Variants in PRMT8 observed in about 807,000 individuals in gnomAD.
PRMT8 encodes protein arginine methyltransferase 8.
PRMT8 carries 7 observed loss-of-function variants against 47.1 expected under a neutral mutation model. The observed-to-expected ratio is 0.15, with a 90% confidence interval of 0.08 to 0.28. The LOEUF (loss-of-function observed/expected upper bound fraction) is 0.28. PRMT8 is among the 10% of genes least tolerant of loss of function. The pLI is 1.00. For synonymous variants in PRMT8, 188 were observed against 186.5 expected (o/e 1.01, Z -0.07); for missense variants, 237 against 505.4 (o/e 0.47, Z 5.09).
intron 1 of PRMT8, among the ~76,000 whole-genome samples, chr12:3,496,578 C>G (rs1865513873): frequency 6.6e-6 from 1 of 151,942 alleles, no homozygotes; most frequent in African/African-American, 2.4e-5. Context: ...GGTTTTCAAT[C>G]CAGTTCTGGA....
chr12:3,428,800 C>T (rs550029216), intron 1 of PRMT8, among the ~76,000 whole-genome samples: 6 of 151,466 alleles, frequency 4.0e-5, no homozygotes, highest in Admixed American at 1.3e-4. Context: ...TTGACTCTGT[C>T]TTTGTCTCTC....
At chr12:3,571,635 C>G (rs975055680) in intron 6 of PRMT8, among the ~76,000 whole-genome samples, 3 of 151,992 alleles carry the variant, frequency 2.0e-5, no homozygotes, top group Non-Finnish European at 2.9e-5. Flanking sequence ...AAAAAAAAAT[C>G]TGAAAGTTAG....
At chr12:3,567,429 T>G (rs1203603212) in intron 4 of PRMT8, among the ~76,000 whole-genome samples, 1 of 152,170 alleles carries the variant, frequency 6.6e-6, no homozygotes, top group African/African-American at 2.4e-5. Flanking sequence ...AGGGCACCCA[T>G]TTGGTATTGA....
At chr12:3,394,805 C>T (rs1408354706) in intron 1 of PRMT8, among the ~76,000 whole-genome samples, 1 of 151,622 alleles carries the variant, frequency 6.6e-6, no homozygotes, top group Non-Finnish European at 1.5e-5. Context: ...CCTCCTTGTA[C>T]CTCTGGTAGA....
At chr12:3,432,525 C>T (rs1381541072) in intron 1 of PRMT8, among the ~76,000 whole-genome samples, 1 of 152,158 alleles carries the variant, frequency 6.6e-6, no homozygotes, top group African/African-American at 2.4e-5. Flanking sequence ...TGGGCAGTAC[C>T]TGAGACTCCC....
At chr12:3,473,011 G>T (rs1865175464) in intron 1 of PRMT8, among the ~76,000 whole-genome samples, 1 of 152,052 alleles carries the variant, frequency 6.6e-6, no homozygotes, top group South Asian at 2.1e-4. Flanking sequence ...CCCACCTCCA[G>T]CTCTTCCCCA....
At chr12:3,577,666 C>CT (rs894882910) in intron 7 of PRMT8, among the ~76,000 whole-genome samples, 2 of 129,412 alleles carry the variant, frequency 1.5e-5, no homozygotes, top group South Asian at 2.3e-4. Flanking sequence ...CATTAAGAGA[C>CT]TTTTTTGTGG....
chr12:3,540,633 C>CCCCCCCCCCCCGCCCCGCCCA lies in PRMT8; in HGVS notation c.103_104insCCCCCCCCCCCGCCCCGCCCA (p.Gln35delinsProProProProAlaProProLys). On this transcript the variant is annotated protein_altering_variant, in exon 2 of 10. Transcript: ENST00000382622. ...GAACAGCCCCCCCTCCCAGCCCCCC[C>CCCCCCCCCCCCGCCCCGCCCA]AGCCCGTCGTCCCTGCTAAGCCCGT... 1 of 1,553,210 alleles carries CCCCCCCCCCCCGCCCCGCCCA rather than the reference C, an allele frequency of 6.4e-7. No individual in the cohort carries two copies. The highest frequency in any genetic ancestry group is 8.9e-7 in the Non-Finnish European group (1 of 1,127,240).
At chr12:3,488,244 G>T (rs76747935), upstream of PRMT8, among the ~76,000 whole-genome samples, 200 of 152,298 alleles carry the variant, frequency 1.3e-3, 2 homozygotes, top group African/African-American at 4.6e-3. Flanking sequence ...GACTTAGCAA[G>T]TGTTCTATAA....
intron 1 of PRMT8, among the ~76,000 whole-genome samples, chr12:3,520,242 A>G (rs2137140220): frequency 6.6e-6 from 1 of 152,334 alleles, no homozygotes; most frequent in East Asian, 1.9e-4. Flanking sequence ...TGTCGGGAAA[A>G]CCAACGGTGC....
Position 3,413,286 on chromosome 12 carries a change from C to T in PRMT8, c.48+31844C>T, listed in dbSNP as rs1236800329. On this transcript the variant is annotated intron_variant, in intron 1 of 9. Coordinates refer to the PRMT8 transcript ENST00000452611. ...TCCCGTGAACAAGCTCTCTTGCCTG[C>T]TGCCATATAGGATGTGTCTTGCCTC... 2.0e-5 allele frequency among the ~76,000 whole-genome samples: 3 copies of T among 152,206 alleles called. No individual in the cohort carries two copies. In the East Asian group the frequency reaches 5.8e-4, roughly 29 times the overall value.
rs149408228 is a variant in PRMT8 at position 3,468,902 on chromosome 12, A to T, written c.49-71704A>T. On this transcript the variant is annotated intron_variant, in intron 1 of 9. Coordinates refer to the PRMT8 transcript ENST00000452611. ...GCGTGCCTTGTTATCCTGCTCATAG[A>T]ACATTAGAAATAAAGGAAGGCTCCT... 1.5e-3 allele frequency: 286 copies of T among 194,176 alleles called. 1 individual carries two copies. The highest frequency in any genetic ancestry group is 6.3e-3 in the African/African-American group (265 of 42,188). The allele number at this position is 194,176 out of a possible 1,614,324, so 12.0% of individuals were successfully genotyped here.
rs531683101 is a variant in PRMT8 at position 3,491,832 on chromosome 12, CTGTG to C, written c.75+186_75+189del. 5.0e-3 allele frequency: 2,695 copies of C among 536,082 alleles called. 150 individuals carry two copies. Among genetic ancestry groups the C allele is most frequent in the African/African-American group, 0.021 (401 of 19,224 alleles). 33.2% of individuals were successfully genotyped at this position (536,082 alleles called of 1,614,324 possible). A position where few individuals can be genotyped will look rare whatever the true frequency, so the allele number is the denominator to read the frequency against. On this transcript the variant is annotated intron_variant, in intron 1 of 9. Transcript: ENST00000382622. The stretch of plus-strand genomic sequence containing the variant: ...CCCGCTCGCTTCTGCCGGCCTCCTC[CTGTG>C]TGTGTGTGTGTGTGTGTGTGTGTGT...
At chr12:3,393,056 GTTGT>G (rs933081771) in intron 1 of PRMT8, among the ~76,000 whole-genome samples, 114 of 152,196 alleles carry the variant, frequency 7.5e-4, no homozygotes, top group African/African-American at 1.4e-3. Context: ...TTTTGATGGG[GTTGT>G]TTGTTTTTTT....
At chr12:3,440,739 A>T (rs538134772) in intron 1 of PRMT8, among the ~76,000 whole-genome samples, 1 of 152,194 alleles carries the variant, frequency 6.6e-6, no homozygotes, top group African/African-American at 2.4e-5. Context: ...TGCTCTAAAG[A>T]TTCCTGCAAA....
At chr12:3,441,669 A>C (rs943559141) in intron 1 of PRMT8, among the ~76,000 whole-genome samples, 42 of 152,392 alleles carry the variant, frequency 2.8e-4, no homozygotes, top group African/African-American at 8.9e-4. Context: ...GGAGTCACTC[A>C]CAAAGCACTG....
chr12:3,451,469 C>T (rs1188297539), intron 1 of PRMT8, among the ~76,000 whole-genome samples: 1 of 152,194 alleles, frequency 6.6e-6, no homozygotes, highest in African/African-American at 2.4e-5. Context: ...CCTTTTTATG[C>T]TCAGCTTGAA....
chr12:3,460,433 G>C (rs963074268), intron 1 of PRMT8, among the ~76,000 whole-genome samples: 4 of 152,170 alleles, frequency 2.6e-5, no homozygotes, highest in Non-Finnish European at 5.9e-5. Flanking sequence ...AGACTGCAGT[G>C]GTTACTTGTA....
intron 1 of PRMT8, among the ~76,000 whole-genome samples, chr12:3,413,226 G>A (rs966164861): frequency 5.3e-5 from 8 of 152,078 alleles, no homozygotes; most frequent in Non-Finnish European, 1.0e-4. Context: ...TAGTGAATAC[G>A]TCTCACAAGA....
Sources: allele counts gnomAD v4.1 joint callset (sites outside exome capture counted in the v4.1 genomes callset), GRCh38; gene constraint gnomAD v4.1.1; transcripts MANE v1.5; gene names NCBI Gene and HGNC (gene_info 2026-07-23, HGNC 2026-07-21).